Variants in MKNK1 observed in about 807,000 individuals in gnomAD.
The protein encoded by MKNK1 is MAPK interacting serine/threonine kinase 1.
MKNK1 carries 30 observed loss-of-function variants against 49.3 expected under a neutral mutation model. The observed-to-expected ratio is 0.61, with a 90% CI of 0.46 to 0.83. MKNK1 has a LOEUF of 0.83. MKNK1 is among the 40% of genes least tolerant of loss of function. MKNK1 has a pLI of 0.00. For missense variants in MKNK1, 423 were observed against 524.7 expected (o/e 0.81, Z 1.89); for synonymous variants, 176 against 201.7 (o/e 0.87, Z 1.08).
chr1:46,581,000 T>C (rs966882573), intron 3 of MKNK1, among the ~76,000 whole-genome samples: 5 of 151,858 alleles, frequency 3.3e-5, no homozygotes, highest in African/African-American at 7.3e-5. Flanking sequence ...GCCAGGAGGA[T>C]TGCTTGAGGC....
intron 1 of MKNK1, among the ~76,000 whole-genome samples, chr1:46,600,048 C>G (rs916537768): frequency 6.6e-6 from 1 of 152,110 alleles, no homozygotes; most frequent in Non-Finnish European, 1.5e-5. Context: ...AACTGTTGCT[C>G]AAGCTGTTCC....
At chr1:46,578,238 T>C (rs1291261241) in intron 4 of MKNK1, among the ~76,000 whole-genome samples, 1 of 152,208 alleles carries the variant, frequency 6.6e-6, no homozygotes, top group Admixed American at 6.5e-5. Flanking sequence ...CAGGGTTATC[T>C]TGAAATTCCA....
At chr1:46,602,065 G>T (rs916139751) in intron 1 of MKNK1, among the ~76,000 whole-genome samples, 1 of 152,178 alleles carries the variant, frequency 6.6e-6, no homozygotes, top group African/African-American at 2.4e-5. Flanking sequence ...GGAAATCCAG[G>T]AAGAGAGAAT....
intron 1 of MKNK1, among the ~76,000 whole-genome samples, chr1:46,599,402 C>T (rs1674461318): frequency 6.6e-6 from 1 of 152,152 alleles, no homozygotes; most frequent in African/African-American, 2.4e-5. Flanking sequence ...CCTGAAATAC[C>T]AGGGTCCTGC....
intron 4 of MKNK1, among the ~76,000 whole-genome samples, chr1:46,579,576 G>C (rs1285132683): frequency 1.3e-5 from 2 of 152,214 alleles, no homozygotes; most frequent in Non-Finnish European, 2.9e-5. Flanking sequence ...GAGTCACCAG[G>C]AGAGTTTGTT....
intron 2 of MKNK1, among the ~76,000 whole-genome samples, chr1:46,593,280 C>T (rs1035944540): frequency 1.3e-5 from 2 of 152,178 alleles, no homozygotes; most frequent in African/African-American, 4.8e-5. Context: ...CTCACTGCAG[C>T]CTCCGCCTCC....
intron 2 of MKNK1, among the ~76,000 whole-genome samples, chr1:46,588,299 T>A (rs1165480607): frequency 1.3e-5 from 2 of 152,264 alleles, no homozygotes; most frequent in Non-Finnish European, 2.9e-5. Context: ...ATTGTTTAAC[T>A]CACGTTTTAT....
rs536182693 is a variant in MKNK1 at position 46,568,498 on chromosome 1, C to T, written c.458G>A (p.Gly153Asp). Residue 153 changes from glycine (G) to aspartate (D), a missense_variant and splice_region_variant, in exon 8 of 13, where the codon GGC (glycine) becomes GAC (aspartate). Gly to Asp is a moderately conservative substitution (Grantham distance 94, BLOSUM62 -1). Transcript: ENST00000371945. ...AAALDFLHTK[G>D]IAHRDLKPEN... ...TGGTTTCAGATCACGATGAGCAATG[C>T]CTGACATGACAAAGAGCAAAAAAAT... 1 of 1,613,712 alleles carries T rather than the reference C, an allele frequency of 6.2e-7. No homozygotes were observed. Among genetic ancestry groups the T allele is most frequent in the Non-Finnish European group, 8.5e-7 (1 of 1,179,882 alleles).
intron 8 of MKNK1, chr1:46,565,508 G>A (rs958479591): frequency 8.3e-6 from 2 of 241,632 alleles, no homozygotes; most frequent in Admixed American, 1.0e-4. Context: ...ATTCAGTGGA[G>A]TGTAAAGGAG....
At chr1:46,583,359 C>T in intron 2 of MKNK1, 30 bp from the exon 3 acceptor site, 1 of 1,515,118 alleles carries the variant, frequency 6.6e-7, no homozygotes, top group South Asian at 1.1e-5. Flanking sequence ...GTAAGGGAAA[C>T]ATCACTGTAC....
At chr1:46,593,949 T>C (rs1673707262) in intron 2 of MKNK1, 164 bp downstream of exon 2, 1 of 561,532 alleles carries the variant, frequency 1.8e-6, no homozygotes, top group Admixed American at 3.0e-5. Flanking sequence ...GTGTTCCTCC[T>C]ACTAAGCGTT....
intron 3 of MKNK1, among the ~76,000 whole-genome samples, chr1:46,581,086 C>CT (rs1459357979): frequency 6.6e-6 from 1 of 152,038 alleles, no homozygotes; most frequent in Admixed American, 6.6e-5. Context: ...TCCCTCTCCT[C>CT]TAAGGGTCGC....
At chr1:46,597,517 C>T (rs74985391) in intron 1 of MKNK1, among the ~76,000 whole-genome samples, 20 of 152,286 alleles carry the variant, frequency 1.3e-4, no homozygotes, top group African/African-American at 3.1e-4. Context: ...CTGTCACTCA[C>T]GGCCTCCATC....
chr1:46,596,510 C>T (rs192314632), intron 1 of MKNK1, among the ~76,000 whole-genome samples: 3 of 152,286 alleles, frequency 2.0e-5, no homozygotes, highest in East Asian at 1.9e-4. Context: ...TATTTTGCCA[C>T]GTGGAGCCAC....
Position 46,558,800 on chromosome 1 carries a change from C to T in MKNK1, c.1014G>A (p.Arg338=). Residue 338 remains arginine, a splice_region_variant and synonymous_variant, in exon 13 of 13, where the codon AGG becomes AGA. Transcript: ENST00000371945. The stretch of plus-strand genomic sequence containing the variant: ...GCGTCAGGTCCATTGTGCTGCTGTT[C>T]CTGCAGGGCCAGGGGAAAGCACAGA... ...KGLPTPQVLQ[R]NSSTMDLTLF... 6.2e-7 allele frequency: 1 copy of T among 1,612,788 alleles called. No individual in the cohort carries two copies. The highest frequency in any genetic ancestry group is 1.7e-5 in the Admixed American group (1 of 59,952).
intron 2 of MKNK1, chr1:46,585,912 G>A (rs781575516): frequency 7.3e-6 from 10 of 1,365,076 alleles, no homozygotes; most frequent in Non-Finnish European, 9.8e-6. Flanking sequence ...AAGAGGGTAC[G>A]CCAGAAGGGA....
chr1:46,559,110 C>T (rs1164686430), intron 12 of MKNK1, among the ~76,000 whole-genome samples: 5 of 152,206 alleles, frequency 3.3e-5, no homozygotes, highest in Non-Finnish European at 7.3e-5. Context: ...AGAGACTGGG[C>T]ACATGAAACA....
At chr1:46,581,248 C>T (rs540111291) in intron 3 of MKNK1, among the ~76,000 whole-genome samples, 1 of 151,470 alleles carries the variant, frequency 6.6e-6, no homozygotes, top group South Asian at 2.1e-4. Flanking sequence ...CATGGTGGCT[C>T]ACACCTGTAG....
intron 2 of MKNK1, among the ~76,000 whole-genome samples, chr1:46,586,591 G>A (rs1672606368): frequency 6.6e-6 from 1 of 152,164 alleles, no homozygotes; most frequent in Non-Finnish European, 1.5e-5. Flanking sequence ...AAATAGAAAT[G>A]ATATGAAATG....
Sources: allele counts gnomAD v4.1 joint callset (sites outside exome capture counted in the v4.1 genomes callset), GRCh38; gene constraint gnomAD v4.1.1; transcripts MANE v1.5; gene names NCBI Gene and HGNC (gene_info 2026-07-23, HGNC 2026-07-21).